DPP6: variants seen among roughly 807,000 people sequenced by gnomAD.
DPP6 encodes the protein dipeptidyl peptidase like 6, also known as A-type potassium channel modulatory protein DPP6.
Under a neutral mutation model 122.6 loss-of-function variants are expected in DPP6, and 69 were observed. That is an observed-to-expected ratio of 0.56 (90% confidence interval 0.46 to 0.69). DPP6 has a LOEUF of 0.69. Among genes scored for constraint, DPP6 ranks in the 30% least tolerant of loss-of-function variants. The pLI, the probability that DPP6 is intolerant of heterozygous loss-of-function variation, is 0.00. For missense variants in DPP6, 928 were observed against 1,116.9 expected, an observed-to-expected ratio of 0.83 and a Z score of 2.41; for synonymous variants, 418 against 433.1, an observed-to-expected ratio of 0.97 and a Z score of 0.43.
intron 4 of DPP6, among the ~76,000 whole-genome samples, chr7:154,555,614 A>G (rs1212834009): frequency 6.6e-6 from 1 of 152,018 alleles, no homozygotes; most frequent in Non-Finnish European, 1.5e-5. Flanking sequence ...CTTAAAGTAT[A>G]ATAATAATAA....
intron 6 of DPP6, among the ~76,000 whole-genome samples, chr7:154,658,321 T>C (rs1837402486): frequency 6.6e-6 from 1 of 152,226 alleles, no homozygotes; most frequent in Non-Finnish European, 1.5e-5. Flanking sequence ...TCAGTTTTTC[T>C]CTAAACATGA....
At chr7:153,938,912 G>A (rs915144104) in intron 1 of DPP6, among the ~76,000 whole-genome samples, 8 of 152,050 alleles carry the variant, frequency 5.3e-5, no homozygotes, top group African/African-American at 1.4e-4. Context: ...TGATCAAATC[G>A]TTTCATTAAA....
intron 7 of DPP6, among the ~76,000 whole-genome samples, chr7:154,701,400 T>A (rs142472071): frequency 4.3e-4 from 66 of 152,326 alleles, no homozygotes; most frequent in Middle Eastern, 3.4e-3. Flanking sequence ...CCTAGTTTAA[T>A]TTGTCCAAAA....
chr7:154,060,377 T>C (rs1268951266), intron 1 of DPP6, among the ~76,000 whole-genome samples: 2 of 87,982 alleles, frequency 2.3e-5, no homozygotes, highest in African/African-American at 1.0e-4. Flanking sequence ...AGCCCCTGGT[T>C]CCCCCACTGG....
At chr7:154,574,316 T>TGTGA (rs1831319141) in intron 5 of DPP6, among the ~76,000 whole-genome samples, 1 of 36,228 alleles carries the variant, frequency 2.8e-5, no homozygotes, top group Non-Finnish European at 4.5e-5. Flanking sequence ...TGTGGTGTGC[T>TGTGA]GTGTATGTGT....
intron 7 of DPP6, among the ~76,000 whole-genome samples, chr7:154,670,083 C>T (rs773748217): frequency 9.2e-5 from 14 of 152,198 alleles, no homozygotes; most frequent in Non-Finnish European, 1.5e-4. Flanking sequence ...TGGTCTCAAA[C>T]TCCTGACCTC....
chr7:154,146,852 C>T (rs1232360921), intron 1 of DPP6, among the ~76,000 whole-genome samples: 12 of 152,094 alleles, frequency 7.9e-5, no homozygotes, highest in Admixed American at 3.9e-4. Flanking sequence ...GGGTGCACTT[C>T]CTCCCTGCTC....
chr7:154,293,012 T>A (rs1805309326), intron 1 of DPP6, among the ~76,000 whole-genome samples: 3 of 152,230 alleles, frequency 2.0e-5, no homozygotes, highest in African/African-American at 4.8e-5. Context: ...TGTTTTATGT[T>A]CCCTAAGTAG....
At chr7:154,660,288 A>G (rs1287067321) in intron 6 of DPP6, among the ~76,000 whole-genome samples, 2 of 137,100 alleles carry the variant, frequency 1.5e-5, no homozygotes, top group Non-Finnish European at 1.6e-5. Context: ...TCACGCAGTC[A>G]TGGTGAATCA....
chr7:154,359,277 G>A (rs367646774), intron 1 of DPP6, among the ~76,000 whole-genome samples: 1 of 152,170 alleles, frequency 6.6e-6, no homozygotes. Flanking sequence ...CATTTAGTTA[G>A]TATTTCAGAT....
Position 153,967,592 on chromosome 7 carries a change from A to G in DPP6, c.51+79858A>G, listed in dbSNP as rs533765453. ...GGTGTTTCTCTGGCTCGTCGAACAC[A>G]GGGCTGTTCAGCTGTTACAAAGCTC... On this transcript the variant is annotated intron_variant, in intron 1 of 25. Transcript: ENST00000404039. 1.1e-4 allele frequency among the ~76,000 whole-genome samples: 17 copies of G among 152,244 alleles called. No individual in the cohort carries two copies. In the East Asian group the frequency reaches 3.3e-3, roughly 29 times the overall value.
chr7:153,825,360 C>A, the DPP6 span, among the ~76,000 whole-genome samples: 1 of 151,988 alleles, frequency 6.6e-6, no homozygotes, highest in African/African-American at 2.4e-5. Context: ...ATTCCTATTC[C>A]CAATCCCCTT....
intron 3 of DPP6, among the ~76,000 whole-genome samples, chr7:154,477,977 C>T (rs1340822000): frequency 6.6e-6 from 1 of 152,032 alleles, no homozygotes; most frequent in Non-Finnish European, 1.5e-5. Context: ...ATTCCACTCA[C>T]ACATGACCCT....
At chr7:153,884,689 T>A (rs1040936549), upstream of DPP6, among the ~76,000 whole-genome samples, 5 of 152,036 alleles carry the variant, frequency 3.3e-5, no homozygotes, top group Admixed American at 3.3e-4. Flanking sequence ...TTAAAAAATA[T>A]GTTTGTCGGC....
chr7:154,735,036 C>T lies in DPP6; in HGVS notation c.883+7149C>T, dbSNP rs566575958. Among the ~76,000 whole-genome samples the T allele has an allele frequency of 3.0e-4, 46 of 152,266 alleles. No homozygotes were observed. The South Asian group carries it at 8.7e-3, about 29-fold the overall frequency. On this transcript the variant is annotated intron_variant, in intron 8 of 25. Coordinates refer to ENST00000377770, the MANE Select transcript of DPP6 (RefSeq NM_130797.4). Reference sequence around the variant, plus strand: ...CTATTTCATTTGCAATGTCAGGAATCGGAAGCATTAATGTGTAATTAATGA... The same window carrying T: ...CTATTTCATTTGCAATGTCAGGAATTGGAAGCATTAATGTGTAATTAATGA...
At chr7:153,912,587 G>A (rs556180159) in intron 1 of DPP6, among the ~76,000 whole-genome samples, 1 of 152,312 alleles carries the variant, frequency 6.6e-6, no homozygotes, top group East Asian at 1.9e-4. Context: ...AGCAATGGAG[G>A]TAGAGAAGTG....
chr7:154,828,630 A>G (rs1324241523), intron 16 of DPP6, among the ~76,000 whole-genome samples: 1 of 152,228 alleles, frequency 6.6e-6, no homozygotes, highest in African/African-American at 2.4e-5. Flanking sequence ...TAGAATGTGT[A>G]CATGTTCTAG....
At chr7:153,895,870 T>C (rs1799394807) in intron 1 of DPP6, among the ~76,000 whole-genome samples, 1 of 152,154 alleles carries the variant, frequency 6.6e-6, no homozygotes, top group Non-Finnish European at 1.5e-5. Context: ...CTGCTTGGCT[T>C]TCTTGGATAT....
At chr7:154,839,191 T>C (rs1243695590) in intron 16 of DPP6, among the ~76,000 whole-genome samples, 1 of 152,250 alleles carries the variant, frequency 6.6e-6, no homozygotes, top group Admixed American at 6.5e-5. Flanking sequence ...TGTGTTACTA[T>C]GTGATGCTCA....
Sources: gnomAD v4.1 joint callset for allele counts (sites outside exome capture counted in the v4.1 genomes callset) on GRCh38, gnomAD v4.1.1 for gene constraint, MANE v1.5 for transcripts, NCBI Gene and HGNC (gene_info 2026-07-23, HGNC 2026-07-21) for gene names.